The following CACNA1E variants were observed in gnomAD, a reference collection of about 807,000 sequenced individuals.
The protein encoded by CACNA1E is calcium voltage-gated channel subunit alpha1 E, also known as voltage-dependent R-type calcium channel subunit alpha-1E.
A neutral mutation model predicts 259.2 loss-of-function variants in CACNA1E; 40 were observed. The ratio of observed to expected loss-of-function variants is 0.15; its 90% confidence interval spans 0.12 to 0.20. The LOEUF (loss-of-function observed/expected upper bound fraction) is 0.20. CACNA1E is among the 10% of genes least tolerant of loss of function. CACNA1E has a pLI of 1.00. For synonymous variants in CACNA1E, 1,104 were observed against 1,138.5 expected (o/e 0.97, Z 0.61); for missense variants, 1,874 against 3,040.1 (o/e 0.62, Z 9.02).
chr1:181,368,434 G>T (rs1409950438), intron 1 of CACNA1E, among the ~76,000 whole-genome samples: 1 of 152,130 alleles, frequency 6.6e-6, no homozygotes, highest in Non-Finnish European at 1.5e-5. Flanking sequence ...AAAGACAATT[G>T]AATTAGAAAT....
intron 2 of CACNA1E, among the ~76,000 whole-genome samples, chr1:181,450,787 C>G (rs777722653): frequency 6.6e-6 from 1 of 152,192 alleles, no homozygotes; most frequent in African/African-American, 2.4e-5. Context: ...AGCTGTGATA[C>G]AGAGAACGGC....
chr1:181,588,167 T>C (rs1281619249), intron 6 of CACNA1E, among the ~76,000 whole-genome samples: 1 of 152,202 alleles, frequency 6.6e-6, no homozygotes, highest in South Asian at 2.1e-4. Context: ...CTGTTTCAGC[T>C]CAATTCAGAA....
chr1:181,414,552 G>A (rs2102156787), intron 2 of CACNA1E, among the ~76,000 whole-genome samples: 1 of 152,240 alleles, frequency 6.6e-6, no homozygotes, highest in South Asian at 2.1e-4. Context: ...GAGGAGTTGG[G>A]CACAGCCAGC....
Position 181,732,954 on chromosome 1 carries a change from G to C in CACNA1E, c.2868G>C (p.Gly956=), listed in dbSNP as rs754081427. Reference sequence around the variant, plus strand: ...TGGATGAAGCCATGCCCACTGAAGGGGAGAAGGACCATGAGCTCAGGGGCA... The same window carrying C: ...TGGATGAAGCCATGCCCACTGAAGGCGAGAAGGACCATGAGCTCAGGGGCA... ...RSLDEAMPTE[G]EKDHELRGNH... Residue 956 remains glycine (G), a synonymous_variant, in exon 20 of 48, where the codon GGG becomes GGC. Coordinates refer to ENST00000367573, the MANE Select transcript of CACNA1E (RefSeq NM_001205293.3). The surrounding 1 kb of genome is among the most constrained non-coding windows in gnomAD (Gnocchi z 5.5). 11 of 1,614,018 alleles carry C rather than the reference G, an allele frequency of 6.8e-6. No homozygotes were observed. In the Admixed American group the frequency reaches 1.7e-4, roughly 24 times the overall value.
chr1:181,369,700 G>A (rs973300757), intron 1 of CACNA1E, among the ~76,000 whole-genome samples: 21 of 152,298 alleles, frequency 1.4e-4, no homozygotes, highest in Admixed American at 7.2e-4. Context: ...TCTGTATGCC[G>A]TCAAGATGCC....
chr1:181,365,003 TCC>T (rs988210065), intron 1 of CACNA1E, among the ~76,000 whole-genome samples: 17 of 152,226 alleles, frequency 1.1e-4, no homozygotes, highest in African/African-American at 3.9e-4. Flanking sequence ...GCCACCCCTG[TCC>T]CATTGAGGGG....
At chr1:181,399,923 A>G (rs1656969820) in intron 1 of CACNA1E, among the ~76,000 whole-genome samples, 1 of 152,252 alleles carries the variant, frequency 6.6e-6, no homozygotes, top group Non-Finnish European at 1.5e-5. Context: ...TGCCATAGTA[A>G]TGGACATTTA....
intron 32 of CACNA1E, among the ~76,000 whole-genome samples, 154 bp downstream of exon 32, chr1:181,759,022 A>G (rs562547280): frequency 6.6e-6 from 1 of 152,320 alleles, no homozygotes; most frequent in East Asian, 1.9e-4. Flanking sequence ...CCGTAGAGAC[A>G]AGATGATGTG....
chr1:181,746,379 G>T (rs1362886997), intron 25 of CACNA1E, among the ~76,000 whole-genome samples: 1 of 152,214 alleles, frequency 6.6e-6, no homozygotes, highest in Non-Finnish European at 1.5e-5. Context: ...ATTGCCTGAG[G>T]TTTGACTAGT....
chr1:181,384,463 A>G (rs1186282216), intron 1 of CACNA1E, among the ~76,000 whole-genome samples: 1 of 152,166 alleles, frequency 6.6e-6, no homozygotes, highest in African/African-American at 2.4e-5. Flanking sequence ...CCCTCCAAGC[A>G]ACACTACTTC....
chr1:181,680,757 G>A (rs77303656), intron 7 of CACNA1E, among the ~76,000 whole-genome samples: 20,080 of 152,092 alleles, frequency 0.13, 1,364 homozygotes, highest in South Asian at 0.25. Context: ...TCCTTGGGGC[G>A]CTTGAAAACG....
At chr1:181,459,061 A>G (rs551177490) in intron 2 of CACNA1E, among the ~76,000 whole-genome samples, 1 of 152,260 alleles carries the variant, frequency 6.6e-6, no homozygotes, top group Non-Finnish European at 1.5e-5. Flanking sequence ...AGAGTGGAAG[A>G]TTAACCTGGG....
chr1:181,384,524 C>T (rs936378244), intron 1 of CACNA1E, among the ~76,000 whole-genome samples: 2 of 152,148 alleles, frequency 1.3e-5, no homozygotes, highest in African/African-American at 4.8e-5. Flanking sequence ...GTTTCTTCTC[C>T]ATCATAGCTC....
chr1:181,516,979 C>A (rs913947155), intron 3 of CACNA1E, among the ~76,000 whole-genome samples: 1 of 152,064 alleles, frequency 6.6e-6, no homozygotes. Flanking sequence ...AAGGTCATCA[C>A]CCCAGGGCCT....
intron 38 of CACNA1E, among the ~76,000 whole-genome samples, chr1:181,779,819 T>TACACACACACAC (rs56301632): frequency 0.011 from 1,588 of 148,376 alleles, 20 homozygotes; most frequent in South Asian, 0.029. Context: ...TATGCACATG[T>TACACACACACAC]ACACACACAC....
chr1:181,349,242 C>T (rs1003691006), intron 1 of CACNA1E, among the ~76,000 whole-genome samples: 18 of 152,180 alleles, frequency 1.2e-4, no homozygotes, highest in African/African-American at 4.1e-4. Flanking sequence ...AAACACAGGT[C>T]CCCTGTGGGG....
chr1:181,554,135 T>A (rs1336253286), intron 3 of CACNA1E, among the ~76,000 whole-genome samples: 1 of 152,148 alleles, frequency 6.6e-6, no homozygotes, highest in East Asian at 1.9e-4. Flanking sequence ...GCCTCCCTAG[T>A]AGCTGGGAAT....
rs531142363 is a variant in CACNA1E at position 181,741,036 on chromosome 1, G to A, written c.3719+1783G>A. On this transcript the variant is annotated intron_variant, in intron 25 of 47. Transcript: ENST00000367573. Reference sequence around the variant, plus strand: ...AATATTATCCTTAGGTTTTTAAAAGGTCAAGTTCCCTTTCATTTTACTAAT... The same window carrying A: ...AATATTATCCTTAGGTTTTTAAAAGATCAAGTTCCCTTTCATTTTACTAAT... 5.1e-4 allele frequency among the ~76,000 whole-genome samples: 77 copies of A among 152,286 alleles called. 1 individual carries two copies. Among genetic ancestry groups the A allele is most frequent in the African/African-American group, 1.9e-3 (77 of 41,554 alleles).
chr1:181,700,871 G>A (rs551532986), intron 7 of CACNA1E, among the ~76,000 whole-genome samples: 4 of 152,110 alleles, frequency 2.6e-5, no homozygotes, highest in African/African-American at 4.8e-5. Flanking sequence ...ACTTCCTTCC[G>A]CTCACTTCGA....
Sources: gnomAD v4.1 joint callset for allele counts (sites outside exome capture counted in the v4.1 genomes callset) on GRCh38, gnomAD v4.1.1 for gene constraint, Gnocchi (gnomAD v3.1) non-coding constraint, MANE v1.5 for transcripts, NCBI Gene and HGNC (gene_info 2026-07-23, HGNC 2026-07-21) for gene names.